Variants in PCDHA5 observed in about 807,000 individuals in gnomAD.
PCDHA5 encodes protocadherin alpha-5.
PCDHA5 carries 43 observed loss-of-function variants against 61.6 expected under a neutral mutation model. The ratio of observed to expected loss-of-function variants is 0.70; its 90% CI spans 0.55 to 0.90. PCDHA5 has a LOEUF of 0.90. Among genes scored for constraint, PCDHA5 ranks in the 40% least tolerant of loss-of-function variants. The pLI, the probability that PCDHA5 is intolerant of heterozygous loss-of-function variation, is 0.00. For synonymous variants in PCDHA5, 627 were observed against 543.9 expected (o/e 1.15, Z -2.13); for missense variants, 1,298 against 1,222.7 (o/e 1.06, Z -0.92).
In PCDHA5 at chr5:140,851,659, C is replaced by T; in HGVS notation, c.2352+27532C>T. The T allele has an allele frequency of 2.2e-6, 2 of 912,906 alleles. 1 individual carries two copies. Among genetic ancestry groups the T allele is most frequent in the Non-Finnish European group, 2.7e-6 (2 of 750,030 alleles). 56.6% of individuals were successfully genotyped at this position (912,906 alleles called of 1,614,324 possible). On this transcript the variant is annotated intron_variant, in intron 1 of 3. Coordinates refer to ENST00000529859, the MANE Select transcript of PCDHA5 (RefSeq NM_018908.3). The stretch of plus-strand genomic sequence containing the variant: ...TTCCTTTCTTCAAGAAGACATTCTC[C>T]TTTTAATTGAAATTTTCTCCATTCA...
At chr5:140,943,650 C>A (rs2093540673) in intron 1 of PCDHA5, among the ~76,000 whole-genome samples, 1 of 151,974 alleles carries the variant, frequency 6.6e-6, no homozygotes, top group African/African-American at 2.4e-5. Flanking sequence ...ATAAAACCAT[C>A]TATGAACAAT....
chr5:140,975,358 A>T (rs1212652611), intron 1 of PCDHA5, among the ~76,000 whole-genome samples: 1 of 152,258 alleles, frequency 6.6e-6, no homozygotes, highest in East Asian at 1.9e-4. Flanking sequence ...CAACTGTGCT[A>T]CATAGCATAA....
chr5:140,858,074 A>T (rs782716439), intron 1 of PCDHA5: 3 of 1,597,640 alleles, frequency 1.9e-6, no homozygotes, highest in Middle Eastern at 1.7e-4. Context: ...CCAGGCACCC[A>T]AGGCCTCGTC....
Position 140,930,862 on chromosome 5 carries a change from GGT to G in PCDHA5, c.2353-48086_2353-48085del, listed in dbSNP as rs1554208154. On this transcript the variant is annotated intron_variant, in intron 1 of 3. Coordinates refer to ENST00000529859, the MANE Select transcript of PCDHA5 (RefSeq NM_018908.3). Reference sequence around the variant, plus strand: ...AAATATGTGCATATATGAATTGGATGGTAACACTGTTCAACACAGAGGGAAAA... The same window carrying G: ...AAATATGTGCATATATGAATTGGATGAACACTGTTCAACACAGAGGGAAAA... 5.3e-3 allele frequency among the ~76,000 whole-genome samples: 803 copies of G among 152,226 alleles called. 3 individuals carry two copies. Among genetic ancestry groups the G allele is most frequent in the Non-Finnish European group, 8.4e-3 (568 of 67,990 alleles).
chr5:140,957,555 A>G (rs911734380), intron 1 of PCDHA5, among the ~76,000 whole-genome samples: 4 of 152,120 alleles, frequency 2.6e-5, no homozygotes, highest in Admixed American at 2.6e-4. Flanking sequence ...TTCTCTGTGG[A>G]AAAGGAGGGA....
rs781863441 is a variant in PCDHA5 at position 140,858,454 on chromosome 5, C to A, written c.2352+34327C>A. The A allele has an allele frequency of 2.0e-6, 3 of 1,529,822 alleles. No homozygotes were observed. The South Asian group carries it at 3.6e-5, about 18-fold the overall frequency. The allele number at this position is 1,529,822 out of a possible 1,614,324, so 94.8% of individuals were successfully genotyped here. On this transcript the variant is annotated intron_variant, in intron 1 of 3. Coordinates refer to ENST00000529859, the MANE Select transcript of PCDHA5 (RefSeq NM_018908.3). ...CTAGGAAGGTGGGTTATTACGTTTT[C>A]ATTTTCCTTTTGTGCTTTATGAATA...
intron 1 of PCDHA5, chr5:140,870,022 T>G (rs1554163715): frequency 6.2e-7 from 1 of 1,613,310 alleles, no homozygotes; most frequent in Admixed American, 1.7e-5. Context: ...CAATGGAACT[T>G]TAGATTATGA....
chr5:140,902,207 T>C (rs949937318), intron 1 of PCDHA5, among the ~76,000 whole-genome samples: 8 of 148,564 alleles, frequency 5.4e-5, no homozygotes, highest in South Asian at 4.3e-4. Flanking sequence ...CTCTTTCTTT[T>C]TTTTTTTTTT....
chr5:140,906,456 G>T (rs527287837), intron 1 of PCDHA5, among the ~76,000 whole-genome samples: 1 of 152,278 alleles, frequency 6.6e-6, no homozygotes, highest in African/African-American at 2.4e-5. Context: ...ATAAAATGAA[G>T]ATATTTTCTT....
At position 140,822,242 on chromosome 5, in the gene PCDHA5, C is replaced by T. The variant is rs1393571238; in HGVS notation, c.467C>T (p.Ala156Val). ...MPDSRFPLEG[A>V]SDLDIGANAQ... ...GATTCGCGGTTTCCGCTAGAGGGCG[C>T]GTCGGATTTGGATATTGGAGCAAAT... Residue 156 changes from alanine to valine, a missense_variant, in exon 1 of 4, where the codon GCG (alanine) becomes GTG (valine). Physicochemically the swap from Ala to Val is moderately conservative, Grantham distance 64. Coordinates refer to ENST00000529859, the MANE Select transcript of PCDHA5 (RefSeq NM_018908.3). The T allele has an allele frequency of 1.2e-6, 2 of 1,614,038 alleles. No individual in the cohort carries two copies. Among genetic ancestry groups the T allele is most frequent in the Non-Finnish European group, 1.7e-6 (2 of 1,180,046 alleles).
intron 1 of PCDHA5, among the ~76,000 whole-genome samples, chr5:140,942,058 C>T (rs2093224752): frequency 6.6e-6 from 1 of 152,040 alleles, no homozygotes; most frequent in Non-Finnish European, 1.5e-5. Flanking sequence ...GAAATGTTTG[C>T]TAATTGAGCC....
intron 1 of PCDHA5, chr5:140,876,186 T>A: frequency 1.2e-6 from 2 of 1,613,960 alleles, no homozygotes; most frequent in Middle Eastern, 1.6e-4. Context: ...TGAATGACAA[T>A]GGTCCGGCGT....
At chr5:140,922,107 T>C (rs1250364037) in intron 1 of PCDHA5, among the ~76,000 whole-genome samples, 1 of 152,028 alleles carries the variant, frequency 6.6e-6, no homozygotes, top group East Asian at 1.9e-4. Context: ...TATAGATAAA[T>C]GAAAATTCAC....
chr5:140,856,947 A>C (rs1486886568), intron 1 of PCDHA5: 2 of 1,592,142 alleles, frequency 1.3e-6, no homozygotes, highest in Non-Finnish European at 1.7e-6. Context: ...AGGACGGGAG[A>C]AATAAAAGTA....
chr5:140,914,815 GACTGCATAAACAAAAAACAAACACACAA>G (rs2076856567), intron 1 of PCDHA5, among the ~76,000 whole-genome samples: 1 of 151,986 alleles, frequency 6.6e-6, no homozygotes, highest in Non-Finnish European at 1.5e-5. Context: ...CAACTTAACA[GACTGCATAAACAAAAAACAAACACACAA>G]AAGGAAGACT....
At chr5:140,985,847 C>T (rs1178290779) in intron 3 of PCDHA5, among the ~76,000 whole-genome samples, 4 of 150,300 alleles carry the variant, frequency 2.7e-5, no homozygotes, top group African/African-American at 7.3e-5. Context: ...TCATGCCACT[C>T]TCCTGCCTCA....
In PCDHA5 at chr5:140,823,118, A is replaced by T; in HGVS notation, c.1343A>T (p.Asn448Ile). ...GTGTCTGTGGAAGTGGCCGACGTGA[A>T]CGACAACGCTCCGGCGTTCGCGCAG... ...ASVSVEVADV[N>I]DNAPAFAQPQ... The change falls in exon 1 of 4, where the codon AAC becomes ATC. Residue 448 changes from asparagine to isoleucine, a missense_variant. Transcript: ENST00000529859. 6.2e-7 allele frequency: 1 copy of T among 1,614,030 alleles called. No homozygotes were observed. The highest frequency in any genetic ancestry group is 8.5e-7 in the Non-Finnish European group (1 of 1,179,984).
At chr5:140,955,385 G>A (rs1416235573) in intron 1 of PCDHA5, among the ~76,000 whole-genome samples, 4 of 152,216 alleles carry the variant, frequency 2.6e-5, no homozygotes, top group South Asian at 4.1e-4. Flanking sequence ...GAATCATGGG[G>A]GCAATTATCC....
At chr5:141,004,258 A>C (rs1164603441) in intron 3 of PCDHA5, among the ~76,000 whole-genome samples, 1 of 152,232 alleles carries the variant, frequency 6.6e-6, no homozygotes, top group Non-Finnish European at 1.5e-5. Flanking sequence ...TTTTACTGGA[A>C]TGAGTCACAG....
Sources: gnomAD v4.1 joint callset for allele counts (sites outside exome capture counted in the v4.1 genomes callset) on GRCh38, gnomAD v4.1.1 for gene constraint, MANE v1.5 for transcripts, NCBI Gene and HGNC (gene_info 2026-07-23, HGNC 2026-07-21) for gene names.